The following GTF2IRD1 variants were observed in gnomAD, a reference collection of about 807,000 sequenced individuals.
GTF2IRD1 encodes the protein general transcription factor II-I repeat domain-containing protein 1.
GTF2IRD1 carries 26 observed loss-of-function variants against 113.2 expected under a neutral mutation model. The ratio of observed to expected loss-of-function variants is 0.23; its 90% CI spans 0.17 to 0.32. The LOEUF is 0.32. GTF2IRD1 is among the 10% of genes least tolerant of loss of function. GTF2IRD1 has a pLI of 1.00. For synonymous variants in GTF2IRD1, 484 were observed against 529.1 expected (o/e 0.91, Z 1.17); for missense variants, 864 against 1,280.8 (o/e 0.67, Z 4.97).
chr7:74,602,076 T>C (rs782744400), intron 26 of GTF2IRD1: 6 of 237,612 alleles, frequency 2.5e-5, no homozygotes, highest in Non-Finnish European at 4.0e-5. Context: ...ACCCCGTCTC[T>C]ACTAAAAATA....
At chr7:74,596,566 C>T (rs1304085740) in intron 25 of GTF2IRD1, among the ~76,000 whole-genome samples, 2 of 151,832 alleles carry the variant, frequency 1.3e-5, no homozygotes, top group African/African-American at 2.4e-5. Flanking sequence ...TCACTTTAGT[C>T]CAGGAGGCAG....
Position 74,461,273 on chromosome 7 carries a change from AG to A in GTF2IRD1, c.-7+7102del, listed in dbSNP as rs1334581100. ...GCATGGTTGGGGAGGGTAGGTAAGCAGGGGGCAGCTTAGCCCTTTCCCCTCC... is the reference window on the plus strand; with the variant it reads ...GCATGGTTGGGGAGGGTAGGTAAGCAGGGGCAGCTTAGCCCTTTCCCCTCC... On this transcript the variant is annotated intron_variant, in intron 1 of 26. Coordinates refer to ENST00000424337, the MANE Select transcript of GTF2IRD1 (RefSeq NM_005685.4). Among the ~76,000 whole-genome samples, 3 of 152,244 alleles carry A rather than the reference AG, an allele frequency of 2.0e-5. No homozygotes were observed. In the South Asian group the frequency reaches 6.2e-4, roughly 32 times the overall value.
chr7:74,477,363 C>CA (rs5884947), intron 1 of GTF2IRD1, among the ~76,000 whole-genome samples: 85,721 of 133,534 alleles, frequency 0.64, 27,359 homozygotes, highest in Admixed American at 0.75. Flanking sequence ...TTTTTGTGTC[C>CA]AAAAAAAAAA....
At chr7:74,539,024 CAGA>C (rs1244210108) in intron 13 of GTF2IRD1, among the ~76,000 whole-genome samples, 2 of 152,158 alleles carry the variant, frequency 1.3e-5, no homozygotes, top group Non-Finnish European at 2.9e-5. Context: ...TGAGGCTGGA[CAGA>C]AGAAAAAGCC....
intron 22 of GTF2IRD1, among the ~76,000 whole-genome samples, chr7:74,571,672 G>A (rs1030112044): frequency 6.6e-6 from 1 of 152,152 alleles, no homozygotes; most frequent in Non-Finnish European, 1.5e-5. Context: ...AACCAGCCTG[G>A]GAAACATAAA....
intron 1 of GTF2IRD1, among the ~76,000 whole-genome samples, chr7:74,487,177 T>A (rs1795077834): frequency 1.3e-5 from 2 of 152,162 alleles, no homozygotes; most frequent in South Asian, 4.1e-4. Flanking sequence ...TAGCTAGAAT[T>A]ACAGGCACCC....
intron 2 of GTF2IRD1, among the ~76,000 whole-genome samples, chr7:74,509,088 G>A (rs1243730727): frequency 1.3e-5 from 2 of 152,108 alleles, no homozygotes; most frequent in Non-Finnish European, 2.9e-5. Flanking sequence ...CCAGCACGGT[G>A]GCTCACGCAA....
At position 74,504,452 on chromosome 7, in the gene GTF2IRD1, G is replaced by T. The variant is rs1554340452; in HGVS notation, c.-6-3623G>T. Among the ~76,000 whole-genome samples, 3 of 152,152 alleles carry T rather than the reference G, an allele frequency of 2.0e-5. 1 individual carries two copies. The highest frequency in any genetic ancestry group is 4.4e-5 in the Non-Finnish European group (3 of 68,026). On this transcript the variant is annotated intron_variant, in intron 1 of 26. Coordinates refer to ENST00000424337, the MANE Select transcript of GTF2IRD1 (RefSeq NM_005685.4). ...TGTAAACCCAGGAATGTCGAGTTGG[G>T]CCCAGTTGGCTGTGTGTCAGCTCTG...
At chr7:74,485,494 G>T (rs1241952843) in intron 1 of GTF2IRD1, among the ~76,000 whole-genome samples, 1 of 152,142 alleles carries the variant, frequency 6.6e-6, no homozygotes, top group Non-Finnish European at 1.5e-5. Flanking sequence ...GCGGACGCCT[G>T]TAGTCCCAGC....
Position 74,601,150 on chromosome 7 carries a change from A to C in GTF2IRD1, c.2736A>C (p.Ser912=). The C allele has an allele frequency of 6.2e-7, 1 of 1,606,840 alleles. No homozygotes were observed. Among genetic ancestry groups the C allele is most frequent in the Non-Finnish European group, 8.5e-7 (1 of 1,176,362 alleles). The change falls in exon 26 of 27, where the codon TCA becomes TCC. Residue 912 remains serine, a synonymous_variant. Transcript: ENST00000424337. ...SSSSSSSNPD[S]VASANQISLV... ...CTTCCTCGTCCTCTAACCCGGATTC[A>C]GTGGCATCGGCCAACCAGATCTCAC...
intron 7 of GTF2IRD1, among the ~76,000 whole-genome samples, chr7:74,521,993 T>C (rs1554346109): frequency 6.6e-6 from 1 of 152,016 alleles, no homozygotes; most frequent in Admixed American, 6.6e-5. Context: ...ACACGGCTGT[T>C]CGTAGGAGGC....
At chr7:74,460,609 G>A (rs1176055468) in intron 1 of GTF2IRD1, among the ~76,000 whole-genome samples, 4 of 152,054 alleles carry the variant, frequency 2.6e-5, no homozygotes, top group African/African-American at 9.7e-5. Context: ...GGGTGGCATG[G>A]AGGGTGTAGT....
chr7:74,552,879 C>T (rs1799393152), intron 17 of GTF2IRD1, among the ~76,000 whole-genome samples: 1 of 152,050 alleles, frequency 6.6e-6, no homozygotes, highest in South Asian at 2.1e-4. Context: ...ACTCTATTGC[C>T]CAGGCTGGAG....
chr7:74,585,700 G>A (rs2130970518), intron 22 of GTF2IRD1, among the ~76,000 whole-genome samples: 1 of 152,036 alleles, frequency 6.6e-6, no homozygotes, highest in Admixed American at 6.6e-5. Context: ...TGAGTAACAT[G>A]GTGAAACCCC....
intron 1 of GTF2IRD1, among the ~76,000 whole-genome samples, chr7:74,491,544 G>A (rs1197333766): frequency 2.0e-5 from 3 of 151,834 alleles, no homozygotes; most frequent in South Asian, 2.1e-4. Context: ...TGTTCTCATT[G>A]TTCAGCTCCC....
chr7:74,590,531 G>C (rs1801995781), intron 23 of GTF2IRD1, among the ~76,000 whole-genome samples: 1 of 151,916 alleles, frequency 6.6e-6, no homozygotes, highest in Non-Finnish European at 1.5e-5. Flanking sequence ...TGGGACTACA[G>C]GTGCCCGCCA....
intron 22 of GTF2IRD1, among the ~76,000 whole-genome samples, chr7:74,581,632 C>T (rs1801426189): frequency 6.6e-6 from 1 of 152,230 alleles, no homozygotes; most frequent in Non-Finnish European, 1.5e-5. Context: ...TTGGGGAACT[C>T]CCTGGTGGCG....
Position 74,519,495 on chromosome 7 carries a change from G to A in GTF2IRD1, c.692G>A (p.Gly231Asp). ...SLIPKGSRDC[G>D]LHGQAPKVPP... ...ATTCCCAAGGGGTCACGGGACTGTG[G>A]CCTGCATGGCCAGGCCCCCAAGGTG... The change falls in exon 6 of 27, where the codon GGC (glycine) becomes GAC (aspartate). Residue 231 changes from glycine (G) to aspartate (D), a missense_variant. Gly to Asp is a moderately conservative substitution (Grantham distance 94). Coordinates refer to ENST00000424337, the MANE Select transcript of GTF2IRD1 (RefSeq NM_005685.4). The A allele has an allele frequency of 6.2e-7, 1 of 1,610,158 alleles. No individual in the cohort carries two copies. The highest frequency in any genetic ancestry group is 8.5e-7 in the Non-Finnish European group (1 of 1,178,232).
intron 1 of GTF2IRD1, among the ~76,000 whole-genome samples, chr7:74,480,724 T>C (rs2117107823): frequency 6.6e-6 from 1 of 152,332 alleles, no homozygotes; most frequent in Middle Eastern, 3.4e-3. Flanking sequence ...TGGGGCGGCC[T>C]GGACCCCGCA....
Sources: gnomAD v4.1 joint callset for allele counts (sites outside exome capture counted in the v4.1 genomes callset) on GRCh38, gnomAD v4.1.1 for gene constraint, MANE v1.5 for transcripts, NCBI Gene and HGNC (gene_info 2026-07-23, HGNC 2026-07-21) for gene names.